Variants in CSF1R observed in about 807,000 individuals in gnomAD.
The protein encoded by CSF1R is colony stimulating factor 1 receptor, also known as macrophage colony-stimulating factor 1 receptor.
CSF1R carries 40 observed loss-of-function variants against 110.0 expected under a neutral mutation model. The observed-to-expected ratio is 0.36, with a 90% confidence interval of 0.28 to 0.47. CSF1R has a LOEUF of 0.47. Among genes scored for constraint, CSF1R ranks in the 20% least tolerant of loss-of-function variants. The pLI is 0.99. For synonymous variants in CSF1R, 523 were observed against 503.4 expected, an observed-to-expected ratio of 1.04 and a Z score of -0.52; for missense variants, 1,052 against 1,253.0, an observed-to-expected ratio of 0.84 and a Z score of 2.42.
intron 10 of CSF1R, among the ~76,000 whole-genome samples, chr5:150,067,781 G>A (rs11954371): frequency 0.027 from 4,153 of 152,262 alleles, 216 homozygotes; most frequent in African/African-American, 0.096. Flanking sequence ...CAGGATCCCA[G>A]GGCTGCGCTG....
intron 4 of CSF1R, among the ~76,000 whole-genome samples, 180 bp from the exon 5 acceptor site, chr5:150,077,615 A>G (rs551835201): frequency 3.3e-5 from 5 of 152,172 alleles, no homozygotes; most frequent in Admixed American, 3.3e-4. Flanking sequence ...AGTAAATGAG[A>G]TATGCATGCA....
intron 13 of CSF1R, among the ~76,000 whole-genome samples, chr5:150,060,336 AAAAC>A (rs1757446662): frequency 6.7e-6 from 1 of 149,022 alleles, no homozygotes; most frequent in Non-Finnish European, 1.5e-5. Flanking sequence ...CAAGAAAAAA[AAAAC>A]AAAAAATGAA....
At position 150,057,365 on chromosome 5, in the gene CSF1R, T is replaced by C. The variant is rs2113781966; in HGVS notation, c.2241A>G (p.Gly747=). 6.2e-7 allele frequency: 1 copy of C among 1,614,062 alleles called. No homozygotes were observed. Among genetic ancestry groups the C allele is most frequent in the Non-Finnish European group, 8.5e-7 (1 of 1,179,980 alleles). ...GCAGGTCCCGGAGCTCCAGGGGCCG[T>C]CCATCCTCCTTGTCCAGGTCTAGGG... The part of the protein sequence containing the change: ...FSEQDLDKED[G]RPLELRDLLH... Residue 747 remains glycine (G), a synonymous_variant, in exon 16 of 21, where the codon GGA becomes GGG. Transcript: ENST00000675795.
chr5:150,108,723 C>G (rs962935521), intron 1 of CSF1R, among the ~76,000 whole-genome samples: 2 of 152,178 alleles, frequency 1.3e-5, no homozygotes, highest in Non-Finnish European at 2.9e-5. Context: ...CCCACAAAAT[C>G]TAAAACCAGA....
At chr5:150,087,790 G>A (rs567254265), upstream of CSF1R, among the ~76,000 whole-genome samples, 53 of 151,708 alleles carry the variant, frequency 3.5e-4, no homozygotes, top group South Asian at 7.7e-3. Flanking sequence ...CTGGAGTGCA[G>A]TAGTGTGATC....
rs1373656788 is a variant in CSF1R at position 150,076,970 on chromosome 5, A to C, written c.889+306T>G. The C allele has an allele frequency of 2.4e-5, 10 of 423,062 alleles. No homozygotes were observed. In the Admixed American group the frequency reaches 3.6e-4, roughly 15 times the overall value. The allele number at this position is 423,062 out of a possible 1,614,324, so 26.2% of individuals were successfully genotyped here. A position where few individuals can be genotyped will look rare whatever the true frequency, so the allele number is the denominator to read the frequency against. On this transcript the variant is annotated intron_variant, in intron 5 of 20. Transcript: ENST00000675795. ...ATGTTTCCATAAAGGAATGCATGAA[A>C]GAATGAACAAATGAAGTCCAGTAGG...
At chr5:150,056,172 ACT>A (rs759339969) in intron 17 of CSF1R, 35 bp from the exon 18 acceptor site, 75 of 1,613,538 alleles carry the variant, frequency 4.6e-5, no homozygotes, top group Non-Finnish European at 6.0e-5. Context: ...TTGGGCCCCG[ACT>A]CTTCACCCCC....
rs779198932 is a variant in CSF1R, at chr5:150,056,285, G to A, written c.2376C>T (p.Ala792=). The A allele has an allele frequency of 2.5e-6, 4 of 1,614,112 alleles. No homozygotes were observed. Among genetic ancestry groups the A allele is most frequent in the Middle Eastern group, 1.6e-4 (1 of 6,062 alleles). Residue 792 remains alanine (A), a synonymous_variant, in exon 17 of 21, where the codon GCC becomes GCT. Transcript: ENST00000675795. ...RNVLLTNGHV[A]KIGDFGLARD... Reference sequence around the variant, plus strand: ...TAGCCAGCCCGAAGTCCCCAATCTTGGCCACATGACCATTGGTCAACAGCA... The same window carrying A: ...TAGCCAGCCCGAAGTCCCCAATCTTAGCCACATGACCATTGGTCAACAGCA...
intron 1 of CSF1R, among the ~76,000 whole-genome samples, chr5:150,104,065 G>A (rs568781832): frequency 5.9e-5 from 9 of 152,152 alleles, no homozygotes; most frequent in East Asian, 1.9e-4. Context: ...GCTCTCTAGC[G>A]GATTCTCATG....
intron 5 of CSF1R, among the ~76,000 whole-genome samples, chr5:150,074,859 C>T (rs996440705): frequency 1.3e-4 from 17 of 134,344 alleles, no homozygotes; most frequent in African/African-American, 3.4e-4. Flanking sequence ...ACACACTCAA[C>T]GCTCCACCCA....
chr5:150,067,890 T>C (rs1381889340), intron 10 of CSF1R, among the ~76,000 whole-genome samples: 1 of 152,152 alleles, frequency 6.6e-6, no homozygotes, highest in African/African-American at 2.4e-5. Flanking sequence ...GATCTGGCTG[T>C]ATCACCCAGG....
chr5:150,101,807 G>T (rs890671805), intron 1 of CSF1R, among the ~76,000 whole-genome samples: 1 of 151,734 alleles, frequency 6.6e-6, no homozygotes, highest in South Asian at 2.1e-4. Flanking sequence ...AAGAGTGTGT[G>T]TATACTCTTC....
At chr5:150,057,646 T>C in intron 14 of CSF1R, 54 bp from the exon 15 acceptor site, 2 of 1,410,426 alleles carry the variant, frequency 1.4e-6, no homozygotes, top group South Asian at 1.2e-5. Context: ...ACTGCACTGC[T>C]CAGCTCAGGC....
intron 1 of CSF1R, among the ~76,000 whole-genome samples, chr5:150,084,272 G>GAACCA (rs1328310952): frequency 1.3e-5 from 2 of 151,016 alleles, no homozygotes; most frequent in Non-Finnish European, 2.9e-5. Flanking sequence ...GGAGGTTGCA[G>GAACCA]TGAGCCGAGA....
chr5:150,082,946 C>G (rs1324043817), intron 1 of CSF1R, among the ~76,000 whole-genome samples: 2 of 152,200 alleles, frequency 1.3e-5, no homozygotes, highest in Non-Finnish European at 2.9e-5. Flanking sequence ...TCACACCTTA[C>G]AGTGGGCTTC....
At chr5:150,075,824 C>T (rs888528764) in intron 5 of CSF1R, among the ~76,000 whole-genome samples, 2 of 152,206 alleles carry the variant, frequency 1.3e-5, no homozygotes, top group African/African-American at 4.8e-5. Flanking sequence ...TAACTGAATT[C>T]TTGTGCTTTT....
At chr5:150,095,986 C>G (rs953380656) in intron 1 of CSF1R, among the ~76,000 whole-genome samples, 2 of 152,154 alleles carry the variant, frequency 1.3e-5, no homozygotes, top group African/African-American at 4.8e-5. Flanking sequence ...AGTCCTGTAT[C>G]TATTTTTAAA....
At position 150,053,839 on chromosome 5, in the gene CSF1R, G is replaced by A. The variant is rs373205661; in HGVS notation, c.*230C>T. On this transcript the variant is annotated 3_prime_UTR_variant, in exon 21 of 21. Transcript: ENST00000675795. Reference sequence around the variant, plus strand: ...ACACCATGAGAACAGTAGGGGAGGGGGGGGTGAGGGCTCAGCCCCCAGCCC... The same window carrying A: ...ACACCATGAGAACAGTAGGGGAGGGAGGGGTGAGGGCTCAGCCCCCAGCCC... 1 of 589,514 alleles carries A rather than the reference G, an allele frequency of 1.7e-6. No individual in the cohort carries two copies. Among genetic ancestry groups the A allele is most frequent in the Non-Finnish European group, 3.0e-6 (1 of 330,078 alleles). 36.5% of individuals were successfully genotyped at this position (589,514 alleles called of 1,614,324 possible).
At chr5:150,091,037 T>C (rs190662035), upstream of CSF1R, among the ~76,000 whole-genome samples, 4 of 152,220 alleles carry the variant, frequency 2.6e-5, no homozygotes, top group East Asian at 5.8e-4. Context: ...CATGAAAAAA[T>C]ACTCAATATC....
Sources: gnomAD v4.1 joint callset for allele counts (sites outside exome capture counted in the v4.1 genomes callset) on GRCh38, gnomAD v4.1.1 for gene constraint, MANE v1.5 for transcripts, NCBI Gene and HGNC (gene_info 2026-07-23, HGNC 2026-07-21) for gene names.